The following NOXRED1 variants were observed in gnomAD, a reference collection of about 807,000 sequenced individuals.
NOXRED1 encodes the protein NADP-dependent oxidoreductase domain-containing protein 1.
Under a neutral mutation model 30.4 loss-of-function variants are expected in NOXRED1, and 20 were observed. The observed-to-expected ratio is 0.66, with a 90% confidence interval of 0.46 to 0.96. NOXRED1 has a LOEUF of 0.96. NOXRED1 is among the 40% of genes least tolerant of loss of function. NOXRED1 has a pLI of 0.00. For synonymous variants in NOXRED1, 155 were observed against 168.0 expected, an observed-to-expected ratio of 0.92 and a Z score of 0.60; for missense variants, 374 against 428.0, an observed-to-expected ratio of 0.87 and a Z score of 1.11.
intron 1 of NOXRED1, among the ~76,000 whole-genome samples, chr14:77,420,952 G>A (rs1431304127): frequency 1.3e-5 from 2 of 152,142 alleles, no homozygotes; most frequent in Non-Finnish European, 1.5e-5. Context: ...TCTATCTGCA[G>A]TACTGCAGGT....
At chr14:77,411,765 C>T (rs1304248482) in intron 2 of NOXRED1, among the ~76,000 whole-genome samples, 2 of 152,036 alleles carry the variant, frequency 1.3e-5, no homozygotes, top group East Asian at 3.9e-4. Context: ...TCAAATTGTA[C>T]TCTTTTAACT....
At chr14:77,398,142 G>C (rs1656364383) in intron 5 of NOXRED1, among the ~76,000 whole-genome samples, 2 of 152,136 alleles carry the variant, frequency 1.3e-5, no homozygotes, top group African/African-American at 4.8e-5. Context: ...CCAAGATAGG[G>C]AACCCGGAAC....
chr14:77,416,718 T>C (rs962945310), intron 1 of NOXRED1, among the ~76,000 whole-genome samples: 1 of 151,902 alleles, frequency 6.6e-6, no homozygotes, highest in Non-Finnish European at 1.5e-5. Flanking sequence ...AGCTGTTGGG[T>C]ACACCTCCCA....
At chr14:77,410,507 G>A (rs1156824099) in intron 2 of NOXRED1, among the ~76,000 whole-genome samples, 1 of 152,076 alleles carries the variant, frequency 6.6e-6, no homozygotes, top group African/African-American at 2.4e-5. Context: ...TATGTGAGGG[G>A]CTGAGGCATG....
chr14:77,410,556 A>G (rs1260031918), intron 2 of NOXRED1, among the ~76,000 whole-genome samples: 1 of 152,112 alleles, frequency 6.6e-6, no homozygotes, highest in Non-Finnish European at 1.5e-5. Flanking sequence ...GGTTGTAGTG[A>G]GCCGAGATCA....
chr14:77,415,589 G>T (rs891836723), intron 1 of NOXRED1, among the ~76,000 whole-genome samples: 4 of 90,864 alleles, frequency 4.4e-5, no homozygotes, highest in African/African-American at 2.4e-4. Context: ...AATACATATA[G>T]ATAGATAGAT....
At chr14:77,420,947 C>G (rs560711710) in intron 1 of NOXRED1, among the ~76,000 whole-genome samples, 69 of 152,294 alleles carry the variant, frequency 4.5e-4, no homozygotes, top group Non-Finnish European at 8.5e-4. Context: ...TGGTATCTAT[C>G]TGCAGTACTG....
intron 1 of NOXRED1, among the ~76,000 whole-genome samples, chr14:77,419,069 TC>T (rs2139700797): frequency 7.1e-6 from 1 of 140,644 alleles, no homozygotes; most frequent in East Asian, 2.3e-4. Context: ...TCTTTCTTTC[TC>T]TTTTTTTTTT....
intron 1 of NOXRED1, among the ~76,000 whole-genome samples, chr14:77,416,863 G>T (rs1195644982): frequency 6.6e-6 from 1 of 150,534 alleles, no homozygotes; most frequent in Non-Finnish European, 1.5e-5. Flanking sequence ...CGGACGGGGC[G>T]GCTGGCCGGG....
intron 5 of NOXRED1, among the ~76,000 whole-genome samples, chr14:77,395,243 C>T (rs1201027992): frequency 6.6e-6 from 1 of 150,630 alleles, no homozygotes; most frequent in Non-Finnish European, 1.5e-5. Flanking sequence ...GTAGCTGGGA[C>T]TACAGGCGCC....
intron 1 of NOXRED1, among the ~76,000 whole-genome samples, chr14:77,419,684 G>A (rs748751944): frequency 4.2e-4 from 63 of 151,728 alleles, no homozygotes; most frequent in South Asian, 1.5e-3. Context: ...TCCTGACATC[G>A]TGATCCGCCC....
At position 77,394,715 on chromosome 14, in the gene NOXRED1, G is replaced by A. The variant is rs1894134297; in HGVS notation, c.996C>T (p.His332=). 6.2e-7 allele frequency: 1 copy of A among 1,612,954 alleles called. No homozygotes were observed. The highest frequency in any genetic ancestry group is 1.3e-5 in the African/African-American group (1 of 74,906). ...ATGAAGCACAGTATAGATGGGTAAG[G>A]TGGTCTTGGAGAACAGGACTACTTG... ...HLSSSPVLQD[H]LTHLYCASFG... Residue 332 remains histidine, a synonymous_variant, in exon 6 of 6, where the codon CAC becomes CAT. Coordinates refer to ENST00000380835, the MANE Select transcript of NOXRED1 (RefSeq NM_001113475.3).
intron 2 of NOXRED1, among the ~76,000 whole-genome samples, chr14:77,410,794 A>T (rs1894628951): frequency 6.6e-6 from 1 of 152,190 alleles, no homozygotes; most frequent in Non-Finnish European, 1.5e-5. Flanking sequence ...AAATAATTTA[A>T]AGTATATTAA....
chr14:77,406,763 G>T lies in NOXRED1; in HGVS notation c.643C>A (p.Pro215Thr), dbSNP rs1894478203. The T allele has an allele frequency of 6.2e-7, 1 of 1,614,004 alleles. No homozygotes were observed. Reference sequence around the variant, plus strand: ...GGACAGGTAGCTTGAAGAATCGTAGGATCTTGGAGAGCAGCTATGACTCCC... The same window carrying T: ...GGACAGGTAGCTTGAAGAATCGTAGTATCTTGGAGAGCAGCTATGACTCCC... ...NKGVIAALQD[P>T]TILQATCPYS... The change falls in exon 4 of 6, where the codon CCT becomes ACT. Residue 215 changes from proline to threonine, a missense_variant. Coordinates refer to ENST00000380835, the MANE Select transcript of NOXRED1 (RefSeq NM_001113475.3).
At chr14:77,416,732 G>C (rs1349996186) in intron 1 of NOXRED1, among the ~76,000 whole-genome samples, 1 of 152,146 alleles carries the variant, frequency 6.6e-6, no homozygotes, top group East Asian at 1.9e-4. Context: ...CCTCCCAGAC[G>C]GGGTGGTGGC....
intron 5 of NOXRED1, among the ~76,000 whole-genome samples, chr14:77,397,991 A>G (rs987662594): frequency 1.3e-5 from 2 of 152,150 alleles, no homozygotes; most frequent in Non-Finnish European, 2.9e-5. Context: ...TAAAAAATCA[A>G]TAACTCTTTT....
At chr14:77,422,689 C>T in intron 1 of NOXRED1, 46 bp downstream of exon 1, 1 of 1,569,554 alleles carries the variant, frequency 6.4e-7, no homozygotes, top group Non-Finnish European at 8.8e-7. Context: ...GAATTCTCAG[C>T]AGTGAGATTC....
rs143696866 is a variant in NOXRED1, at chr14:77,408,056, C to T, written c.350-411G>A. 1.7e-3 allele frequency among the ~76,000 whole-genome samples: 262 copies of T among 152,044 alleles called. 1 individual carries two copies. The highest frequency in any genetic ancestry group is 5.8e-3 in the African/African-American group (242 of 41,492). ...TTAGTCTTTGTATTTTTAGTAGAGA[C>T]GGGGTTTCACTATGTTGGCCAGGCT... On this transcript the variant is annotated intron_variant, in intron 2 of 5. Transcript: ENST00000380835.
At chr14:77,402,720 T>C (rs1459649745) in intron 5 of NOXRED1, among the ~76,000 whole-genome samples, 3 of 150,450 alleles carry the variant, frequency 2.0e-5, no homozygotes, top group African/African-American at 4.9e-5. Context: ...AATATACAAA[T>C]GGTCAATAAG....
Sources: allele counts gnomAD v4.1 joint callset (sites outside exome capture counted in the v4.1 genomes callset), GRCh38; gene constraint gnomAD v4.1.1; transcripts MANE v1.5; gene names NCBI Gene and HGNC (gene_info 2026-07-23, HGNC 2026-07-21).